Variants in TMPRSS3 observed in about 807,000 individuals in gnomAD.
TMPRSS3 encodes the protein transmembrane protease serine 3.
Under a neutral mutation model 59.6 loss-of-function variants are expected in TMPRSS3, and 55 were observed. The observed-to-expected ratio is 0.92, with a 90% CI of 0.74 to 1.16. The LOEUF (loss-of-function observed/expected upper bound fraction) is 1.16, where lower values mean the gene tolerates loss of function less well. TMPRSS3 is among the 50% of genes most tolerant of loss of function. TMPRSS3 has a pLI of 0.00. For missense variants in TMPRSS3, 596 were observed against 579.4 expected (o/e 1.03, Z -0.29); for synonymous variants, 257 against 237.7 (o/e 1.08, Z -0.75).
intron 5 of TMPRSS3, among the ~76,000 whole-genome samples, chr21:42,386,083 T>C (rs2052629534): frequency 6.6e-6 from 1 of 152,126 alleles, no homozygotes; most frequent in African/African-American, 2.4e-5. Flanking sequence ...GCCCAGCTCA[T>C]TTTTACAGTG....
At chr21:42,394,582 C>A (rs892061375) in intron 2 of TMPRSS3, among the ~76,000 whole-genome samples, 2 of 152,174 alleles carry the variant, frequency 1.3e-5, no homozygotes, top group Non-Finnish European at 2.9e-5. Context: ...ACCTCCCATC[C>A]TTTCCAAACC....
At chr21:42,378,273 G>C (rs1425487177) in intron 10 of TMPRSS3, among the ~76,000 whole-genome samples, 2 of 152,246 alleles carry the variant, frequency 1.3e-5, no homozygotes, top group East Asian at 1.9e-4. Flanking sequence ...TTAGCTCCTG[G>C]GTGCCTTCAG....
chr21:42,378,025 G>A (rs541806876), intron 10 of TMPRSS3, among the ~76,000 whole-genome samples: 1 of 152,350 alleles, frequency 6.6e-6, no homozygotes, highest in African/African-American at 2.4e-5. Flanking sequence ...GGTCCGGAAT[G>A]AGAGCCCACC....
rs768759797 is a variant in TMPRSS3, at chr21:42,380,131, G to GC, written c.1033dup (p.Ala345GlyfsTer7). The GC allele has an allele frequency of 1.2e-6, 2 of 1,613,908 alleles. No individual in the cohort carries two copies. The highest frequency in any genetic ancestry group is 1.7e-5 in the Admixed American group (1 of 60,004). Reference sequence around the variant, plus strand: ...AGCCCACTGACCTCCATCCTCTGTGGCCCCCCATCCTGACGTCCAGCACAC... The same window carrying GC: ...AGCCCACTGACCTCCATCCTCTGTGGCCCCCCCATCCTGACGTCCAGCACAC... On this transcript the variant is annotated frameshift_variant, in exon 10 of 13. Coordinates refer to ENST00000644384, the MANE Select transcript of TMPRSS3 (RefSeq NM_001256317.3). LOFTEE classifies it high-confidence loss of function.
At chr21:42,384,196 A>G (rs967612336) in intron 6 of TMPRSS3, among the ~76,000 whole-genome samples, 183 bp from the exon 7 acceptor site, 3 of 151,062 alleles carry the variant, frequency 2.0e-5, no homozygotes, top group Non-Finnish European at 4.4e-5. Flanking sequence ...CACACAATTC[A>G]TTGTAAAACA....
chr21:42,383,948 C>T (rs755867374), intron 7 of TMPRSS3, 22 bp downstream of exon 7: 2 of 1,613,918 alleles, frequency 1.2e-6, no homozygotes, highest in South Asian at 2.2e-5. Context: ...CCCCTGGACC[C>T]CTGCCTTTCT....
chr21:42,385,306 A>G (rs1229911765), intron 6 of TMPRSS3, 103 bp downstream of exon 6: 2 of 1,519,328 alleles, frequency 1.3e-6, no homozygotes, highest in Non-Finnish European at 9.1e-7. Context: ...ATCTGAGATA[A>G]CACATGCATG....
intron 10 of TMPRSS3, 80 bp from the exon 11 acceptor site, chr21:42,376,763 G>A: frequency 1.9e-6 from 3 of 1,604,666 alleles, no homozygotes; most frequent in Non-Finnish European, 2.6e-6. Context: ...GAGACCAGGG[G>A]GGTGAGGGAA....
chr21:42,382,989 C>G (rs767295956), intron 8 of TMPRSS3, 44 bp downstream of exon 8: 1 of 1,612,276 alleles, frequency 6.2e-7, no homozygotes, highest in Non-Finnish European at 8.5e-7. Context: ...CTGACATGAC[C>G]CAGGAGTGAA....
intron 7 of TMPRSS3, 134 bp from the exon 8 acceptor site, chr21:42,383,332 C>G (rs2052568616): frequency 1.1e-6 from 1 of 933,864 alleles, no homozygotes; most frequent in Non-Finnish European, 1.7e-6. Flanking sequence ...AGCTCTAAGA[C>G]AAGTGCTGCA....
At chr21:42,385,642 T>C (rs1356108723) in intron 5 of TMPRSS3, 108 bp from the exon 6 acceptor site, 13 of 1,441,152 alleles carry the variant, frequency 9.0e-6, no homozygotes, top group African/African-American at 1.4e-5. Context: ...GGGGATGTCA[T>C]TTTGTCCCCC....
At position 42,385,462 on chromosome 21, in the gene TMPRSS3, A is replaced by T. The variant is rs1165813213; in HGVS notation, c.519T>A (p.Asp173Glu). 1.9e-6 allele frequency: 3 copies of T among 1,614,008 alleles called. No homozygotes were observed. Among genetic ancestry groups the T allele is most frequent in the African/African-American group, 2.7e-5 (2 of 74,900 alleles). ...GQFREEFVSI[D>E]HLLPDDKVTA... ...TCACCTTGTCATCTGGCAAGAGGTG[A>T]TCGATGGACACAAACTCCTCCCGGA... Residue 173 changes from aspartate to glutamate, a missense_variant, in exon 6 of 13, where the codon GAT becomes GAA. Coordinates refer to ENST00000644384, the MANE Select transcript of TMPRSS3 (RefSeq NM_001256317.3).
chr21:42,371,923 G>GACAAT lies in TMPRSS3; in HGVS notation c.*834_*838dup. The GACAAT allele has an allele frequency of 2.2e-6, 1 of 454,484 alleles. No homozygotes were observed. The highest frequency in any genetic ancestry group is 4.4e-6 in the Non-Finnish European group (1 of 226,640). 28.2% of individuals were successfully genotyped at this position (454,484 alleles called of 1,614,324 possible). The stretch of plus-strand genomic sequence containing the variant: ...GGAAACATATTATTTGGAATCAAAG[G>GACAAT]ACAATAATACGTCAAGCACCAAATG... On this transcript the variant is annotated 3_prime_UTR_variant, in exon 13 of 13. Transcript: ENST00000644384.
At chr21:42,379,161 C>T (rs557747611) in intron 10 of TMPRSS3, among the ~76,000 whole-genome samples, 1 of 152,176 alleles carries the variant, frequency 6.6e-6, no homozygotes, top group East Asian at 1.9e-4. Flanking sequence ...GCTGGGATTA[C>T]AGGCATGAAC....
chr21:42,394,882 G>A (rs2052781895), intron 2 of TMPRSS3, among the ~76,000 whole-genome samples: 1 of 152,192 alleles, frequency 6.6e-6, no homozygotes, highest in African/African-American at 2.4e-5. Context: ...TCCTTCAGTT[G>A]TTAGGAGCCA....
In TMPRSS3 at chr21:42,383,214, A is replaced by G; in HGVS notation, c.617-16T>C. ...TGACCACAGGCTATGGAGGGGAACA[A>G]AGGCTTGTGGGTCCACCCTGCAGAC... On this transcript the variant is annotated splice_polypyrimidine_tract_variant and intron_variant, in intron 7 of 12. Transcript: ENST00000644384. The G allele has an allele frequency of 1.2e-6, 2 of 1,613,974 alleles. No individual in the cohort carries two copies. Among genetic ancestry groups the G allele is most frequent in the Non-Finnish European group, 1.7e-6 (2 of 1,179,972 alleles).
intron 12 of TMPRSS3, 106 bp from the exon 13 acceptor site, chr21:42,372,885 T>C (rs994231762): frequency 1.5e-6 from 2 of 1,368,836 alleles, no homozygotes; most frequent in Admixed American, 3.5e-5. Context: ...ATTGTGGGGC[T>C]GTTCTCCACG....
At chr21:42,374,369 C>T (rs973383553) in intron 12 of TMPRSS3, among the ~76,000 whole-genome samples, 1 of 152,244 alleles carries the variant, frequency 6.6e-6, no homozygotes, top group African/African-American at 2.4e-5. Context: ...GGTCTCAGTC[C>T]CAGGCCTCAC....
rs1158562606 is a variant in TMPRSS3 at position 42,383,969 on chromosome 21, C to T, written c.616+1G>A. On this transcript the variant is annotated splice_donor_variant, in intron 7 of 12. Coordinates refer to ENST00000644384, the MANE Select transcript of TMPRSS3 (RefSeq NM_001256317.3). LOFTEE classifies it high-confidence loss of function. ...GACCCCTGCCTTTCTGGAACTCTTA[C>T]CTGTGCACTGCAAGGTAACCACGTG... 1 of 1,614,078 alleles carries T rather than the reference C, an allele frequency of 6.2e-7. No individual in the cohort carries two copies. Among genetic ancestry groups the T allele is most frequent in the Non-Finnish European group, 8.5e-7 (1 of 1,179,992 alleles).
Sources: allele counts gnomAD v4.1 joint callset (sites outside exome capture counted in the v4.1 genomes callset), GRCh38; gene constraint gnomAD v4.1.1; transcripts MANE v1.5; gene names NCBI Gene and HGNC (gene_info 2026-07-23, HGNC 2026-07-21).